Variants in LARS2 observed in about 807,000 individuals in gnomAD.
LARS2 encodes the protein leucine--tRNA ligase, mitochondrial.
LARS2 carries 81 observed loss-of-function variants against 116.6 expected under a neutral mutation model. That is an observed-to-expected ratio of 0.69 (90% CI 0.58 to 0.84). The LOEUF (loss-of-function observed/expected upper bound fraction) is 0.84, where lower values mean the gene tolerates loss of function less well. Ranked by LOEUF, LARS2 falls within the 40% of genes least tolerant of loss-of-function variation. The pLI is 0.00. For missense variants in LARS2, 968 were observed against 1,114.5 expected (o/e 0.87, Z 1.87); for synonymous variants, 396 against 407.2 (o/e 0.97, Z 0.33).
intron 1 of LARS2, chr3:45,389,118 G>A (rs1255458851): frequency 6.6e-6 from 1 of 152,160 alleles, no homozygotes; most frequent in Admixed American, 6.5e-5. Context: ...TAAATTAGTA[G>A]CTGCAAAATC....
At chr3:45,526,392 A>T (rs1559497716) in intron 20 of LARS2, among the ~76,000 whole-genome samples, 1 of 152,170 alleles carries the variant, frequency 6.6e-6, no homozygotes, top group Non-Finnish European at 1.5e-5. Context: ...TAATTAGAAA[A>T]CATAAAGAAA....
chr3:45,426,582 A>G (rs1480698191), intron 6 of LARS2, among the ~76,000 whole-genome samples: 2 of 152,194 alleles, frequency 1.3e-5, no homozygotes, highest in African/African-American at 4.8e-5. Context: ...GTGTTGACAC[A>G]TAAGGGGTAG....
intron 3 of LARS2, among the ~76,000 whole-genome samples, chr3:45,398,459 G>A (rs1383700446): frequency 6.6e-6 from 1 of 152,182 alleles, no homozygotes; most frequent in Non-Finnish European, 1.5e-5. Flanking sequence ...TACTTCAGGG[G>A]AAGCAAATTC....
At position 45,476,514 on chromosome 3, in the gene LARS2, C is replaced by T. The variant is rs771914374; in HGVS notation, c.905C>T (p.Thr302Ile). 3 of 1,614,112 alleles carry T rather than the reference C, an allele frequency of 1.9e-6. No homozygotes were observed. The highest frequency in any genetic ancestry group is 1.7e-5 in the Admixed American group (1 of 60,012). Residue 302 changes from threonine (T) to isoleucine (I), a missense_variant, in exon 10 of 22, where the codon ACC becomes ATC. Coordinates refer to ENST00000645846, the MANE Select transcript of LARS2 (RefSeq NM_015340.4). ...TGEKLTAYTA[T>I]PEAIYGTSHV... is the part of the protein sequence containing the mutation. ...GAAAAGCTGACTGCCTATACGGCCA[C>T]CCCTGAAGCCATTTATGGCACCTCC...
At chr3:45,456,778 G>A (rs1699219744) in intron 7 of LARS2, among the ~76,000 whole-genome samples, 1 of 152,168 alleles carries the variant, frequency 6.6e-6, no homozygotes, top group Non-Finnish European at 1.5e-5. Flanking sequence ...ACAAATGCAT[G>A]TCTTTCCCAC....
intron 4 of LARS2, among the ~76,000 whole-genome samples, chr3:45,414,705 C>T (rs1451418019): frequency 3.3e-5 from 5 of 151,310 alleles, no homozygotes; most frequent in African/African-American, 1.2e-4. Flanking sequence ...ACTTCAGCCT[C>T]GGCAACCAAA....
intron 6 of LARS2, among the ~76,000 whole-genome samples, chr3:45,428,146 A>G (rs183545852): frequency 6.7e-6 from 1 of 149,386 alleles, no homozygotes; most frequent in Admixed American, 6.7e-5. Context: ...ATGTACTTTT[A>G]CCACTACATA....
At chr3:45,500,123 TC>T (rs534965040) in intron 14 of LARS2, among the ~76,000 whole-genome samples, 135 of 152,260 alleles carry the variant, frequency 8.9e-4, no homozygotes, top group African/African-American at 2.6e-3. Flanking sequence ...TGCCTCAGCC[TC>T]CTGAGTAGTT....
chr3:45,475,049 AT>A (rs1297007940), intron 9 of LARS2, among the ~76,000 whole-genome samples: 1 of 151,864 alleles, frequency 6.6e-6, no homozygotes, highest in African/African-American at 2.4e-5. Flanking sequence ...TTCTATTGAT[AT>A]TTTTTTTACC....
intron 20 of LARS2, among the ~76,000 whole-genome samples, chr3:45,533,488 A>G (rs1455781429): frequency 6.6e-6 from 1 of 152,180 alleles, no homozygotes; most frequent in East Asian, 1.9e-4. Flanking sequence ...ATTCTGTCGT[A>G]GTCTTTTCTA....
chr3:45,452,699 A>T (rs934002085), intron 7 of LARS2, among the ~76,000 whole-genome samples: 2 of 152,112 alleles, frequency 1.3e-5, no homozygotes, highest in Admixed American at 6.6e-5. Context: ...TGCTGGCTTT[A>T]TAGAATGAAT....
In LARS2 at chr3:45,405,055, T is replaced by C. The variant is rs1171835313; in HGVS notation, c.363+4682T>C. The stretch of plus-strand genomic sequence containing the variant: ...ATGTTGTTTTATCTGCCCAGTAATA[T>C]AAGCTTCTCAGTGGCAGGGAAGGTC... On this transcript the variant is annotated intron_variant, in intron 4 of 21. Transcript: ENST00000645846. Among the ~76,000 whole-genome samples the C allele has an allele frequency of 6.6e-5, 10 of 152,260 alleles. No individual in the cohort carries two copies. In the East Asian group the frequency reaches 1.7e-3, roughly 26 times the overall value.
chr3:45,423,316 T>C (rs1046917415), intron 6 of LARS2, among the ~76,000 whole-genome samples: 2 of 152,084 alleles, frequency 1.3e-5, no homozygotes, highest in African/African-American at 2.4e-5. Flanking sequence ...TTTCATTGTT[T>C]TTGTTTTTGT....
intron 4 of LARS2, among the ~76,000 whole-genome samples, chr3:45,415,522 A>G (rs1698398421): frequency 1.3e-5 from 2 of 152,278 alleles, no homozygotes; most frequent in East Asian, 1.9e-4. Flanking sequence ...TACCAAAAGC[A>G]TAGCTAGTGG....
chr3:45,481,481 C>G (rs1013677368), intron 10 of LARS2, among the ~76,000 whole-genome samples: 10 of 152,150 alleles, frequency 6.6e-5, no homozygotes, highest in Non-Finnish European at 2.9e-5. Flanking sequence ...TATGAGAATT[C>G]CAGTTTCTCC....
chr3:45,391,042 T>C (rs1697938082), intron 1 of LARS2, among the ~76,000 whole-genome samples: 1 of 152,252 alleles, frequency 6.6e-6, no homozygotes, highest in Non-Finnish European at 1.5e-5. Context: ...CATTTTCTCG[T>C]AGCTAATTGC....
intron 6 of LARS2, among the ~76,000 whole-genome samples, chr3:45,431,037 A>G (rs1277268992): frequency 6.6e-6 from 1 of 152,172 alleles, no homozygotes; most frequent in Non-Finnish European, 1.5e-5. Flanking sequence ...GATCCTCATG[A>G]TGAAATTAGT....
intron 13 of LARS2, among the ~76,000 whole-genome samples, chr3:45,494,765 G>A (rs1418935480): frequency 6.6e-6 from 1 of 152,102 alleles, no homozygotes; most frequent in Non-Finnish European, 1.5e-5. Flanking sequence ...CTCTAGGAAT[G>A]TTCTTAAGAA....
chr3:45,535,365 A>G (rs1386345417), intron 20 of LARS2, among the ~76,000 whole-genome samples: 8 of 146,412 alleles, frequency 5.5e-5, no homozygotes, highest in Non-Finnish European at 7.5e-5. Context: ...TTAAAAAAAA[A>G]AAGAAAAGAA....
Sources: allele counts gnomAD v4.1 joint callset (sites outside exome capture counted in the v4.1 genomes callset), GRCh38; gene constraint gnomAD v4.1.1; transcripts MANE v1.5; gene names NCBI Gene and HGNC (gene_info 2026-07-23, HGNC 2026-07-21).